QRSL1: variants seen among roughly 807,000 people sequenced by gnomAD.
The protein encoded by QRSL1 is glutaminyl-tRNA amidotransferase subunit QRSL1.
In QRSL1, 54 loss-of-function variants were observed where a neutral mutation model predicts 61.6. That is an observed-to-expected ratio of 0.88 (90% confidence interval 0.70 to 1.10). QRSL1 has a LOEUF of 1.10. Among genes scored for constraint, QRSL1 ranks in the 50% least tolerant of loss-of-function variants. The pLI is 0.00. For synonymous variants in QRSL1, 228 were observed against 225.7 expected, an observed-to-expected ratio of 1.01 and a Z score of -0.09; for missense variants, 505 against 622.6, an observed-to-expected ratio of 0.81 and a Z score of 2.01.
At chr6:106,633,450 G>A (rs1239977900) in intron 1 of QRSL1, among the ~76,000 whole-genome samples, 1 of 152,170 alleles carries the variant, frequency 6.6e-6, no homozygotes, top group Non-Finnish European at 1.5e-5. Flanking sequence ...ATCAGTTGAA[G>A]AGGGGGAAAT....
chr6:106,657,068 G>A (rs1454977515), intron 9 of QRSL1, among the ~76,000 whole-genome samples: 4 of 152,146 alleles, frequency 2.6e-5, no homozygotes, highest in African/African-American at 7.2e-5. Context: ...TTAGGAGTTC[G>A]AGACCAGCTG....
rs541039288 is a variant in QRSL1, at chr6:106,640,565, G to T, written c.184+57G>T. The T allele has an allele frequency of 1.1e-4, 154 of 1,398,400 alleles. 2 individuals are homozygous for T. The South Asian group carries it at 2.0e-3, about 18-fold the overall frequency. 86.6% of individuals were successfully genotyped at this position (1,398,400 alleles called of 1,614,324 possible). On this transcript the variant is annotated intron_variant, in intron 2 of 10. Coordinates refer to ENST00000369046, the MANE Select transcript of QRSL1 (RefSeq NM_018292.5). ...TATCTCCAGAGAAGTTTAATTGTTT[G>T]TAGCAGTCTCCATTTGGCAAGTGAA...
chr6:106,652,014 CAG>C (rs1777194298), intron 5 of QRSL1, among the ~76,000 whole-genome samples, 193 bp from the exon 6 acceptor site: 1 of 152,130 alleles, frequency 6.6e-6, no homozygotes, highest in South Asian at 2.1e-4. Context: ...AAAATGTTAA[CAG>C]TGTTTTCCTC....
At chr6:106,645,765 A>T (rs145878003) in intron 4 of QRSL1, among the ~76,000 whole-genome samples, 60 of 152,286 alleles carry the variant, frequency 3.9e-4, no homozygotes, top group African/African-American at 1.3e-3. Context: ...TCAGTTTCTA[A>T]TTGTTTATTG....
intron 1 of QRSL1, 102 bp downstream of exon 1, chr6:106,629,807 C>T (rs1235282200): frequency 2.1e-5 from 30 of 1,408,746 alleles, no homozygotes; most frequent in Non-Finnish European, 2.8e-5. Context: ...TGGCCCACCT[C>T]GCTGCTTCCT....
At chr6:106,636,330 T>C (rs1429513641) in intron 1 of QRSL1, among the ~76,000 whole-genome samples, 1 of 151,620 alleles carries the variant, frequency 6.6e-6, no homozygotes, top group African/African-American at 2.4e-5. Flanking sequence ...TTTTTTTTTT[T>C]TTTTTTTTTA....
At position 106,666,994 on chromosome 6, in the gene QRSL1, C is replaced by G; in HGVS notation, c.*992C>G. 6.6e-6 allele frequency: 1 copy of G among 152,216 alleles called. No homozygotes were observed. Among genetic ancestry groups the G allele is most frequent in the Non-Finnish European group, 1.5e-5 (1 of 68,034 alleles). 9.4% of individuals were successfully genotyped at this position (152,216 alleles called of 1,614,324 possible). A position where few individuals can be genotyped will look rare whatever the true frequency, so the allele number is the denominator to read the frequency against. ...TACTTCTGCTATTCCGGAGCCCATGCCTAGAAGCCAGAACAACTCCATGTT... is the reference window on the plus strand; with the variant it reads ...TACTTCTGCTATTCCGGAGCCCATGGCTAGAAGCCAGAACAACTCCATGTT... On this transcript the variant is annotated 3_prime_UTR_variant, in exon 11 of 11. Transcript: ENST00000369046.
chr6:106,639,111 G>GTTTTTTTTTTTTTTTTTTTTTTTTTTT (rs1562164982), intron 1 of QRSL1, among the ~76,000 whole-genome samples: 2 of 60,754 alleles, frequency 3.3e-5, no homozygotes, highest in African/African-American at 1.3e-4. Context: ...TTATTTGTGT[G>GTTTTTTTTTTTTTTTTTTTTTTTTTTT]TTTTGTTGTT....
intron 9 of QRSL1, among the ~76,000 whole-genome samples, chr6:106,657,363 C>G (rs1357178692): frequency 6.6e-6 from 1 of 151,682 alleles, no homozygotes; most frequent in African/African-American, 2.4e-5. Flanking sequence ...AGTAGGAAAA[C>G]AAAAGGAAAT....
chr6:106,643,196 C>G, intron 4 of QRSL1, 106 bp downstream of exon 4: 1 of 758,060 alleles, frequency 1.3e-6, no homozygotes, highest in South Asian at 1.8e-5. Flanking sequence ...GTTTCTTAGT[C>G]CCTCTGTGAG....
chr6:106,639,852 G>A (rs911101698), intron 1 of QRSL1, among the ~76,000 whole-genome samples: 10 of 151,982 alleles, frequency 6.6e-5, no homozygotes, highest in South Asian at 2.1e-4. Flanking sequence ...TATTTTATAA[G>A]CATTTCTCTT....
At position 106,665,466 on chromosome 6, in the gene QRSL1, T is replaced by C. The variant is rs530368899; in HGVS notation, c.1367-316T>C. On this transcript the variant is annotated intron_variant, in intron 10 of 10. Coordinates refer to ENST00000369046, the MANE Select transcript of QRSL1 (RefSeq NM_018292.5). Reference sequence around the variant, plus strand: ...TAATTCTCTGGGGCATTGTATAAAATAGCTAAATATTGAAAACAATCTAAA... The same window carrying C: ...TAATTCTCTGGGGCATTGTATAAAACAGCTAAATATTGAAAACAATCTAAA... Among the ~76,000 whole-genome samples the C allele has an allele frequency of 6.6e-5, 10 of 152,264 alleles. No individual in the cohort carries two copies. In the East Asian group the frequency reaches 9.6e-4, roughly 15 times the overall value.
chr6:106,660,977 G>A (rs1777347157), intron 9 of QRSL1, among the ~76,000 whole-genome samples: 1 of 152,046 alleles, frequency 6.6e-6, no homozygotes. Flanking sequence ...CATGAGTTTT[G>A]GAGGGGACAA....
chr6:106,646,395 A>C (rs1169441581), intron 4 of QRSL1, among the ~76,000 whole-genome samples: 1 of 152,214 alleles, frequency 6.6e-6, no homozygotes, highest in African/African-American at 2.4e-5. Context: ...GATAAATCCA[A>C]AATGAGAACC....
chr6:106,638,534 C>G (rs1776958914), intron 1 of QRSL1, among the ~76,000 whole-genome samples: 1 of 152,148 alleles, frequency 6.6e-6, no homozygotes, highest in Non-Finnish European at 1.5e-5. Context: ...GAACTCCCAA[C>G]CTCAGGTGGT....
intron 9 of QRSL1, among the ~76,000 whole-genome samples, chr6:106,658,022 T>A (rs965640771): frequency 6.6e-6 from 1 of 152,182 alleles, no homozygotes; most frequent in African/African-American, 2.4e-5. Context: ...TTATTTTTAA[T>A]TGACATAAAT....
At chr6:106,633,779 G>T (rs1776874695) in intron 1 of QRSL1, among the ~76,000 whole-genome samples, 2 of 152,118 alleles carry the variant, frequency 1.3e-5, no homozygotes, top group East Asian at 3.9e-4. Flanking sequence ...ACTAATCATT[G>T]TTCTATAGGG....
chr6:106,646,403 A>C (rs767229305), intron 4 of QRSL1, among the ~76,000 whole-genome samples: 9 of 152,262 alleles, frequency 5.9e-5, no homozygotes, highest in Non-Finnish European at 8.8e-5. Flanking sequence ...CAAAATGAGA[A>C]CCATTCTATT....
At chr6:106,630,310 A>C (rs181487548) in intron 1 of QRSL1, among the ~76,000 whole-genome samples, 30 of 152,290 alleles carry the variant, frequency 2.0e-4, no homozygotes, top group Admixed American at 1.1e-3. Flanking sequence ...TGAAGTAATC[A>C]TTGTAACAGG....
Sources: gnomAD v4.1 joint callset for allele counts (sites outside exome capture counted in the v4.1 genomes callset) on GRCh38, gnomAD v4.1.1 for gene constraint, MANE v1.5 for transcripts, NCBI Gene and HGNC (gene_info 2026-07-23, HGNC 2026-07-21) for gene names.